The following SH3KBP1 variants were observed in gnomAD, a reference collection of about 807,000 sequenced individuals.
The protein encoded by SH3KBP1 is SH3 domain containing kinase binding protein 1.
A neutral mutation model predicts 50.1 loss-of-function variants in SH3KBP1; 8 were observed. The observed-to-expected ratio is 0.16, with a 90% CI of 0.09 to 0.29. The LOEUF is 0.29. Among genes scored for constraint, SH3KBP1 ranks in the 10% least tolerant of loss-of-function variants. SH3KBP1 has a pLI of 1.00. For synonymous variants in SH3KBP1, 227 were observed against 218.6 expected (o/e 1.04, Z -0.34); for missense variants, 377 against 535.2 (o/e 0.70, Z 2.92).
intron 6 of SH3KBP1, among the ~76,000 whole-genome samples, chrX:19,657,415 G>A (rs1174447937): frequency 9.7e-6 from 1 of 102,977 alleles, no homozygotes; most frequent in African/African-American, 3.6e-5. Context: ...GCATACAATC[G>A]AATATTATTC....
intron 8 of SH3KBP1, among the ~76,000 whole-genome samples, chrX:19,612,379 C>A (rs2067457075): frequency 1.8e-5 from 2 of 111,679 alleles, no homozygotes; most frequent in African/African-American, 6.5e-5. Context: ...TCTCCTGCGC[C>A]AGCCTCCCCA....
intron 11 of SH3KBP1, among the ~76,000 whole-genome samples, chrX:19,589,110 G>A (rs186006109): frequency 5.3e-5 from 6 of 112,507 alleles, no homozygotes; most frequent in Non-Finnish European, 9.4e-5. Flanking sequence ...ACACTGCCAT[G>A]TTCCCTTCCC....
At chrX:19,644,958 C>T (rs967691448) in intron 7 of SH3KBP1, among the ~76,000 whole-genome samples, 1 of 111,413 alleles carries the variant, frequency 9.0e-6, no homozygotes, top group African/African-American at 3.3e-5. Flanking sequence ...GATATTCAAG[C>T]AGAGATGTGT....
intron 3 of SH3KBP1, among the ~76,000 whole-genome samples, chrX:19,710,390 A>G (rs1218213005): frequency 9.0e-6 from 1 of 111,701 alleles, no homozygotes; most frequent in Non-Finnish European, 1.9e-5. Context: ...CCTCATTCTC[A>G]TAGATCATCA....
At chrX:19,740,061 C>G (rs2064722242) in intron 3 of SH3KBP1, among the ~76,000 whole-genome samples, 1 of 111,251 alleles carries the variant, frequency 9.0e-6, no homozygotes, top group Non-Finnish European at 1.9e-5. Flanking sequence ...TTATCAATGA[C>G]CCACACATAA....
chrX:19,613,764 C>A (rs2067508144), intron 8 of SH3KBP1, among the ~76,000 whole-genome samples: 2 of 112,259 alleles, frequency 1.8e-5, no homozygotes, highest in African/African-American at 3.2e-5. Flanking sequence ...CACTTTGTCA[C>A]AAGGGAGCCA....
intron 6 of SH3KBP1, among the ~76,000 whole-genome samples, chrX:19,656,478 C>T (rs2062281064): frequency 8.9e-6 from 1 of 112,053 alleles, no homozygotes; most frequent in African/African-American, 3.2e-5. Context: ...AGGGATAAAT[C>T]AGTTTTGGTG....
At chrX:19,672,886 G>A (rs755793475) in intron 6 of SH3KBP1, among the ~76,000 whole-genome samples, 3 of 103,302 alleles carry the variant, frequency 2.9e-5, no homozygotes, top group Non-Finnish European at 3.9e-5. Flanking sequence ...GTGAAACCTC[G>A]TCTCTACTAA....
intron 8 of SH3KBP1, among the ~76,000 whole-genome samples, chrX:19,613,673 C>T (rs1189788896): frequency 8.9e-6 from 1 of 112,468 alleles, no homozygotes; most frequent in African/African-American, 3.2e-5. Context: ...GAGCATTAGG[C>T]GTTGTGTAGT....
chrX:19,577,804 G>A (rs180913922), intron 12 of SH3KBP1, among the ~76,000 whole-genome samples: 1 of 111,071 alleles, frequency 9.0e-6, no homozygotes, highest in Admixed American at 9.6e-5. Flanking sequence ...AGAAGAAAGA[G>A]CAAATCTACC....
In SH3KBP1 at chrX:19,706,482, G is replaced by A. The variant is rs977973213; in HGVS notation, c.390+399C>T. On this transcript the variant is annotated intron_variant, in intron 4 of 17. Transcript: ENST00000397821. Reference sequence around the variant, plus strand: ...ATCTGCCACATACTAGGTCTTCTAAGAAATGTCACTCCTTTTTTTGCCCTC... The same window carrying A: ...ATCTGCCACATACTAGGTCTTCTAAAAAATGTCACTCCTTTTTTTGCCCTC... 1.9e-4 allele frequency among the ~76,000 whole-genome samples: 21 copies of A among 110,610 alleles called. No homozygotes were observed. The Admixed American group carries it at 1.9e-3, about 10-fold the overall frequency.
chrX:19,668,974 A>ATATATATATTTT (rs1491195501), intron 6 of SH3KBP1, among the ~76,000 whole-genome samples: 2 of 63,870 alleles, frequency 3.1e-5, no homozygotes, highest in Non-Finnish European at 5.9e-5. Flanking sequence ...ATATATATAT[A>ATATATATATTTT]TTTTTTGAGA....
chrX:19,578,171 A>G (rs894246122), intron 12 of SH3KBP1, among the ~76,000 whole-genome samples: 1 of 111,737 alleles, frequency 8.9e-6, no homozygotes, highest in Non-Finnish European at 1.9e-5. Flanking sequence ...CTTTATTTCA[A>G]TAGCTTTTGG....
intron 2 of SH3KBP1, among the ~76,000 whole-genome samples, chrX:19,779,097 A>C (rs1168719656): frequency 9.2e-6 from 1 of 108,664 alleles, no homozygotes; most frequent in Non-Finnish European, 1.9e-5. Flanking sequence ...GGAGTTTGAG[A>C]CCAGACTGGA....
chrX:19,751,669 C>T (rs979364618), intron 2 of SH3KBP1, among the ~76,000 whole-genome samples: 6 of 111,566 alleles, frequency 5.4e-5, no homozygotes, highest in Non-Finnish European at 9.4e-5. Flanking sequence ...CTGCAAAGGA[C>T]GCTTCAGCTG....
At chrX:19,567,424 T>A (rs2065873395) in intron 13 of SH3KBP1, among the ~76,000 whole-genome samples, 1 of 91,538 alleles carries the variant, frequency 1.1e-5, no homozygotes, top group African/African-American at 4.1e-5. Flanking sequence ...GACGCTGGGG[T>A]GGGAGGATCG....
At chrX:19,561,514 C>T (rs1037708002) in intron 13 of SH3KBP1, among the ~76,000 whole-genome samples, 1 of 112,025 alleles carries the variant, frequency 8.9e-6, no homozygotes, top group East Asian at 2.8e-4. Context: ...ACTGCTTCAA[C>T]GCCTGACTCT....
intron 2 of SH3KBP1, among the ~76,000 whole-genome samples, chrX:19,817,944 A>G (rs987203563): frequency 8.9e-6 from 1 of 111,974 alleles, no homozygotes. Flanking sequence ...CAATATTTAG[A>G]TATGTTTAGA....
At chrX:19,654,374 G>T (rs2062218127) in intron 6 of SH3KBP1, among the ~76,000 whole-genome samples, 1 of 111,763 alleles carries the variant, frequency 8.9e-6, no homozygotes, top group African/African-American at 3.3e-5. Context: ...CAGTGTCGAA[G>T]ATGGGATCAA....
Sources: allele counts gnomAD v4.1 joint callset (sites outside exome capture counted in the v4.1 genomes callset), GRCh38; gene constraint gnomAD v4.1.1; transcripts MANE v1.5; gene names NCBI Gene and HGNC (gene_info 2026-07-23, HGNC 2026-07-21).